The following LAMA2 variants were observed in gnomAD, a reference collection of about 807,000 sequenced individuals.
LAMA2 encodes the protein laminin subunit alpha-2.
LAMA2 carries 269 observed loss-of-function variants against 364.8 expected under a neutral mutation model. The ratio of observed to expected loss-of-function variants is 0.74; its 90% CI spans 0.67 to 0.82. The LOEUF is 0.82. Ranked by LOEUF, LAMA2 falls within the 40% of genes least tolerant of loss-of-function variation. The pLI, the probability that LAMA2 is intolerant of heterozygous loss-of-function variation, is 0.00. For missense variants in LAMA2, 3,807 were observed against 3,873.2 expected, an observed-to-expected ratio of 0.98 and a Z score of 0.45; for synonymous variants, 1,379 against 1,370.6, an observed-to-expected ratio of 1.01 and a Z score of -0.14.
intron 8 of LAMA2, among the ~76,000 whole-genome samples, chr6:129,164,119 C>A (rs911469866): frequency 6.6e-6 from 1 of 151,952 alleles, no homozygotes; most frequent in African/African-American, 2.4e-5. Flanking sequence ...TTCCAGGAAC[C>A]CCAGTTGATA....
intron 2 of LAMA2, among the ~76,000 whole-genome samples, chr6:129,054,680 ATATACT>A (rs1338630995): frequency 2.7e-5 from 4 of 148,534 alleles, no homozygotes; most frequent in African/African-American, 7.3e-5. Context: ...ATGTAATATA[ATATACT>A]TATATAATAT....
intron 40 of LAMA2, among the ~76,000 whole-genome samples, chr6:129,422,536 C>A (rs1272599077): frequency 2.0e-5 from 3 of 152,072 alleles, no homozygotes; most frequent in Admixed American, 6.5e-5. Flanking sequence ...ATCACTACAA[C>A]TTCTGCAGAT....
At chr6:128,898,849 C>T (rs917891182) in intron 1 of LAMA2, among the ~76,000 whole-genome samples, 4 of 152,280 alleles carry the variant, frequency 2.6e-5, no homozygotes, top group South Asian at 2.1e-4. Context: ...TTACCAGCAA[C>T]AGTAAAGACT....
chr6:128,977,428 T>C (rs1782604696), intron 1 of LAMA2, among the ~76,000 whole-genome samples: 1 of 151,940 alleles, frequency 6.6e-6, no homozygotes, highest in Non-Finnish European at 1.5e-5. Flanking sequence ...GCCCAACTAA[T>C]TTATTTTTGT....
At position 128,956,249 on chromosome 6, in the gene LAMA2, T is replaced by G. The variant is rs373110652; in HGVS notation, c.112+72892T>G. On this transcript the variant is annotated intron_variant, in intron 1 of 64. Transcript: ENST00000421865. ...TGTAGAATAAAATTTATTTGCATTTTTAAAATCTCCAACCTGACTCTTCTG... is the reference window on the plus strand; with the variant it reads ...TGTAGAATAAAATTTATTTGCATTTGTAAAATCTCCAACCTGACTCTTCTG... Among the ~76,000 whole-genome samples the G allele has an allele frequency of 2.2e-4, 34 of 152,170 alleles. 1 individual carries two copies. In the South Asian group the frequency reaches 6.6e-3, roughly 30 times the overall value.
chr6:128,906,655 C>A (rs1777493209), intron 1 of LAMA2, among the ~76,000 whole-genome samples: 1 of 152,090 alleles, frequency 6.6e-6, no homozygotes, highest in East Asian at 1.9e-4. Flanking sequence ...TCCCATTTGT[C>A]CATTTTGGCT....
At chr6:129,195,921 T>TTGCTTAA (rs1420617266) in intron 12 of LAMA2, among the ~76,000 whole-genome samples, 78 of 152,318 alleles carry the variant, frequency 5.1e-4, no homozygotes, top group African/African-American at 1.8e-3. Flanking sequence ...GTTGCCCTAG[T>TTGCTTAA]GGTCTGAAAT....
chr6:129,091,242 A>C (rs1413605252), intron 3 of LAMA2, among the ~76,000 whole-genome samples: 1 of 152,178 alleles, frequency 6.6e-6, no homozygotes, highest in Non-Finnish European at 1.5e-5. Flanking sequence ...TGTCCCTTGA[A>C]GAGTTAGGCA....
intron 3 of LAMA2, among the ~76,000 whole-genome samples, chr6:129,069,814 AAAT>A (rs1307856070): frequency 5.4e-5 from 8 of 147,538 alleles, no homozygotes; most frequent in African/African-American, 1.5e-4. Flanking sequence ...AAAATGTGAT[AAAT>A]AATATTGTAT....
chr6:129,299,294 C>T (rs1773402059), intron 21 of LAMA2, among the ~76,000 whole-genome samples: 1 of 152,008 alleles, frequency 6.6e-6, no homozygotes, highest in East Asian at 1.9e-4. Context: ...CTGCAAAATT[C>T]ATCTATTAAA....
rs569603016 is a variant in LAMA2, at chr6:129,206,571, T to C, written c.1782+13718T>C. 5.3e-5 allele frequency among the ~76,000 whole-genome samples: 8 copies of C among 152,352 alleles called. No individual in the cohort carries two copies. In the East Asian group the frequency reaches 1.5e-3, roughly 29 times the overall value. The stretch of plus-strand genomic sequence containing the variant: ...CACAAGGATTTGAATAGCACTCTTA[T>C]CTTTTCAAGTATCTTCAAGAAATTC... On this transcript the variant is annotated intron_variant, in intron 12 of 64. Transcript: ENST00000421865.
intron 12 of LAMA2, among the ~76,000 whole-genome samples, chr6:129,243,417 G>C (rs1216554045): frequency 6.6e-6 from 1 of 151,908 alleles, no homozygotes; most frequent in African/African-American, 2.4e-5. Context: ...TGGCCTTAAC[G>C]ATAAGAAACA....
At chr6:129,035,185 T>C (rs1365638949) in intron 1 of LAMA2, among the ~76,000 whole-genome samples, 1 of 152,146 alleles carries the variant, frequency 6.6e-6, no homozygotes, top group Non-Finnish European at 1.5e-5. Context: ...TTCTAATTTG[T>C]ATGACTTGGT....
chr6:129,153,027 A>G (rs1249328059), intron 7 of LAMA2, among the ~76,000 whole-genome samples: 2 of 152,180 alleles, frequency 1.3e-5, no homozygotes, highest in Non-Finnish European at 2.9e-5. Context: ...AGTACTCCTA[A>G]GAAACTCAAC....
chr6:128,938,337 T>A (rs1342473831), intron 1 of LAMA2, among the ~76,000 whole-genome samples: 1 of 152,188 alleles, frequency 6.6e-6, no homozygotes, highest in Non-Finnish European at 1.5e-5. Context: ...TTTATTATTT[T>A]TATGATTAAC....
At chr6:129,108,739 T>C (rs1369192683) in intron 4 of LAMA2, among the ~76,000 whole-genome samples, 3 of 152,206 alleles carry the variant, frequency 2.0e-5, no homozygotes, top group Non-Finnish European at 4.4e-5. Flanking sequence ...TGCATAATTG[T>C]TAAAGCAATT....
At chr6:129,189,081 T>C (rs1408243763) in intron 10 of LAMA2, among the ~76,000 whole-genome samples, 1 of 152,044 alleles carries the variant, frequency 6.6e-6, no homozygotes, top group Non-Finnish European at 1.5e-5. Flanking sequence ...TTTCTCAGAC[T>C]ATAAAGTTAG....
rs566199663 is a variant in LAMA2, at chr6:129,442,053, T to C, written c.6269-1010T>C. ...CACCAAAGGAGATGCTTGGGTAATC[T>C]GTGCTTTTCACTTTCAAGAGACTAG... On this transcript the variant is annotated intron_variant, in intron 43 of 64. Coordinates refer to ENST00000421865, the MANE Select transcript of LAMA2 (RefSeq NM_000426.4). Among the ~76,000 whole-genome samples, 206 of 152,328 alleles carry C rather than the reference T, an allele frequency of 1.4e-3. 1 individual carries two copies. The highest frequency in any genetic ancestry group is 4.8e-3 in the African/African-American group (198 of 41,574).
At chr6:129,503,044 G>GCT in intron 59 of LAMA2, 47 bp from the exon 60 acceptor site, 5 of 1,529,384 alleles carry the variant, frequency 3.3e-6, no homozygotes, top group Non-Finnish European at 4.5e-6. Flanking sequence ...TTTAGCATGA[G>GCT]AATGCTGTTA....
Sources: gnomAD v4.1 joint callset for allele counts (sites outside exome capture counted in the v4.1 genomes callset) on GRCh38, gnomAD v4.1.1 for gene constraint, MANE v1.5 for transcripts, NCBI Gene and HGNC (gene_info 2026-07-23, HGNC 2026-07-21) for gene names.